ADCY8: variants seen among roughly 807,000 people sequenced by gnomAD.
ADCY8 encodes the protein adenylate cyclase type 8.
A neutral mutation model predicts 119.7 loss-of-function variants in ADCY8; 51 were observed. The observed-to-expected ratio is 0.43, with a 90% CI of 0.34 to 0.54. ADCY8 has a LOEUF of 0.54. ADCY8 is among the 20% of genes least tolerant of loss of function. ADCY8 has a pLI of 0.03. For missense variants in ADCY8, 1,383 were observed against 1,598.8 expected, an observed-to-expected ratio of 0.87 and a Z score of 2.30; for synonymous variants, 665 against 651.0, an observed-to-expected ratio of 1.02 and a Z score of -0.33.
chr8:130,893,636 T>A (rs907588667), intron 7 of ADCY8, among the ~76,000 whole-genome samples: 1 of 151,582 alleles, frequency 6.6e-6, no homozygotes, highest in Non-Finnish European at 1.5e-5. Flanking sequence ...TTTAGAGGTG[T>A]CAATACCATG....
At chr8:131,034,927 G>T (rs1824104037) in intron 1 of ADCY8, among the ~76,000 whole-genome samples, 1 of 152,108 alleles carries the variant, frequency 6.6e-6, no homozygotes, top group Non-Finnish European at 1.5e-5. Flanking sequence ...TCAAATGTAA[G>T]ATAGCTCATA....
intron 1 of ADCY8, among the ~76,000 whole-genome samples, chr8:131,003,622 C>CCAATAGCAACA (rs1554624324): frequency 6.3e-5 from 2 of 31,638 alleles, no homozygotes; most frequent in Non-Finnish European, 5.4e-5. Flanking sequence ...TATGGACAGT[C>CCAATAGCAACA]CTGCTTGGGC....
chr8:130,789,877 C>T (rs1453094436), intron 15 of ADCY8, among the ~76,000 whole-genome samples: 10 of 152,140 alleles, frequency 6.6e-5, no homozygotes, highest in African/African-American at 2.2e-4. Context: ...CAGAAACTCT[C>T]GGGATGGGGC....
rs184754999 is a variant in ADCY8 at position 131,039,393 on chromosome 8, G to A, written c.941C>T (p.Ala314Val). 1.9e-6 allele frequency: 3 copies of A among 1,612,882 alleles called. No homozygotes were observed. Among genetic ancestry groups the A allele is most frequent in the Non-Finnish European group, 2.5e-6 (3 of 1,179,012 alleles). Reference sequence around the variant, plus strand: ...AGTTACCTGGTTGATGGAAATGACCGCCAGCCGGGGTATGACCACTTGGAG... The same window carrying A: ...AGTTACCTGGTTGATGGAAATGACCACCAGCCGGGGTATGACCACTTGGAG... ...VILQVVIPRL[A>V]VISINQVVAQ... The change falls in exon 1 of 18, where the codon GCG becomes GTG. Residue 314 changes from alanine to valine, a missense_variant. Ala to Val is a moderately conservative substitution (Grantham distance 64). Around this residue, in one of 2 missense-constraint regions of ADCY8, gnomAD observed 455 missense variants for 435.3 expected, o/e 1.05. Transcript: ENST00000286355.
At chr8:131,022,632 TCA>T (rs1823709150) in intron 1 of ADCY8, among the ~76,000 whole-genome samples, 2 of 152,276 alleles carry the variant, frequency 1.3e-5, no homozygotes, top group African/African-American at 4.8e-5. Context: ...TTTACTTCTG[TCA>T]CAGGCAGCAA....
rs145217272 is a variant in ADCY8 at position 130,825,576 on chromosome 8, C to A, written c.2676-4156G>T. Among the ~76,000 whole-genome samples, 1,350 of 152,214 alleles carry A rather than the reference C, an allele frequency of 8.9e-3. 11 individuals are homozygous for A. The highest frequency in any genetic ancestry group is 0.014 in the Non-Finnish European group (920 of 67,998). On this transcript the variant is annotated intron_variant, in intron 12 of 17. Transcript: ENST00000286355. ...CACTTGGCCCAAGTGAAGTAGTTTC[C>A]ATCATAAACCTGGAAAAGTTCCTGT...
At chr8:130,939,223 A>G (rs1046815486) in intron 4 of ADCY8, among the ~76,000 whole-genome samples, 5 of 152,198 alleles carry the variant, frequency 3.3e-5, no homozygotes, top group African/African-American at 1.2e-4. Context: ...TACTGGAAAG[A>G]CATATCTTCA....
intron 14 of ADCY8, among the ~76,000 whole-genome samples, chr8:130,812,374 C>T (rs574617330): frequency 6.6e-6 from 1 of 152,328 alleles, no homozygotes; most frequent in African/African-American, 2.4e-5. Context: ...CTGCCACCAA[C>T]ACTCATGCTC....
At chr8:130,901,955 T>G (rs540768294) in intron 7 of ADCY8, among the ~76,000 whole-genome samples, 2 of 152,284 alleles carry the variant, frequency 1.3e-5, no homozygotes, top group Admixed American at 1.3e-4. Context: ...AGCAAATAAA[T>G]ATTTCAAGCA....
intron 2 of ADCY8, among the ~76,000 whole-genome samples, chr8:130,981,419 T>G (rs946960604): frequency 1.3e-5 from 2 of 152,246 alleles, no homozygotes; most frequent in African/African-American, 4.8e-5. Flanking sequence ...TGCCTTCAAC[T>G]GTATCAAGGC....
At chr8:130,935,721 C>A (rs545942790) in intron 5 of ADCY8, among the ~76,000 whole-genome samples, 1 of 152,322 alleles carries the variant, frequency 6.6e-6, no homozygotes, top group South Asian at 2.1e-4. Context: ...TTGCCCACTG[C>A]CTTCTTTCAA....
chr8:130,787,351 A>G (rs746640679), intron 15 of ADCY8, among the ~76,000 whole-genome samples: 1 of 152,166 alleles, frequency 6.6e-6, no homozygotes, highest in Non-Finnish European at 1.5e-5. Context: ...ATTGGTGGTG[A>G]TAGAATCAAC....
At chr8:130,836,524 G>T in intron 11 of ADCY8, 75 bp from the exon 12 acceptor site, 1 of 1,460,464 alleles carries the variant, frequency 6.8e-7, no homozygotes, top group Non-Finnish European at 9.3e-7. Flanking sequence ...ATGCTAGTAG[G>T]TCTTACACAC....
At chr8:130,880,854 C>T (rs1443446223) in intron 8 of ADCY8, among the ~76,000 whole-genome samples, 1 of 152,178 alleles carries the variant, frequency 6.6e-6, no homozygotes, top group African/African-American at 2.4e-5. Flanking sequence ...ATATGGCCAC[C>T]ATGATCATAG....
intron 15 of ADCY8, among the ~76,000 whole-genome samples, chr8:130,790,162 G>A (rs1815380838): frequency 6.6e-6 from 1 of 152,176 alleles, no homozygotes; most frequent in Non-Finnish European, 1.5e-5. Flanking sequence ...AGTTAATGTG[G>A]ATTTGAACTT....
chr8:130,799,923 GC>G (rs1815716675), intron 15 of ADCY8, among the ~76,000 whole-genome samples: 2 of 123,004 alleles, frequency 1.6e-5, no homozygotes, highest in Middle Eastern at 7.0e-3. Context: ...CTGAAGTGCA[GC>G]GTGAGCATTT....
At chr8:130,942,277 T>C (rs188356521) in intron 4 of ADCY8, among the ~76,000 whole-genome samples, 22 of 152,334 alleles carry the variant, frequency 1.4e-4, no homozygotes, top group African/African-American at 5.1e-4. Flanking sequence ...CAGTATTCTA[T>C]TGTATTATTT....
chr8:131,030,937 C>T (rs1225107621), intron 1 of ADCY8, among the ~76,000 whole-genome samples: 3 of 152,176 alleles, frequency 2.0e-5, no homozygotes, highest in Non-Finnish European at 4.4e-5. Context: ...GCCCTTTTAC[C>T]ATTTTGGCCT....
chr8:130,880,537 T>G (rs1302841306), intron 8 of ADCY8, among the ~76,000 whole-genome samples: 1 of 152,204 alleles, frequency 6.6e-6, no homozygotes, highest in African/African-American at 2.4e-5. Flanking sequence ...TTAGGAAATA[T>G]CTAGCCTGAC....
Sources: gnomAD v4.1 joint callset for allele counts (sites outside exome capture counted in the v4.1 genomes callset) on GRCh38, gnomAD v4.1.1 for gene constraint, gnomAD v4.1.1 regional missense constraint, MANE v1.5 for transcripts, NCBI Gene and HGNC (gene_info 2026-07-23, HGNC 2026-07-21) for gene names.